Variants in PRAM1 observed in about 807,000 individuals in gnomAD.
PRAM1 encodes PML-RARA regulated adaptor molecule 1.
A neutral mutation model predicts 55.3 loss-of-function variants in PRAM1; 41 were observed. The observed-to-expected ratio is 0.74, with a 90% confidence interval of 0.58 to 0.96. PRAM1 has a LOEUF of 0.96. Ranked by LOEUF, PRAM1 falls within the 40% of genes least tolerant of loss-of-function variation. The pLI is 0.00. For synonymous variants in PRAM1, 401 were observed against 387.1 expected (o/e 1.04, Z -0.42); for missense variants, 898 against 892.7 (o/e 1.01, Z -0.08).
intron 4 of PRAM1, among the ~76,000 whole-genome samples, chr19:8,495,106 A>AT (rs1035651224): frequency 0.012 from 1,660 of 137,290 alleles, 32 homozygotes; most frequent in African/African-American, 0.04. Flanking sequence ...TGCCCGACTC[A>AT]TTTTTTTTTT....
Position 8,493,044 on chromosome 19 carries a change from G to A in PRAM1, c.1577-1887C>T, listed in dbSNP as rs916508966. On this transcript the variant is annotated intron_variant, in intron 4 of 9. Coordinates refer to ENST00000423345, the MANE Select transcript of PRAM1 (RefSeq NM_032152.5). This position sits in a 1 kb window ranked among gnomAD's most constrained non-coding sequence, Gnocchi z 4.1. The stretch of plus-strand genomic sequence containing the variant: ...TTTAAAAGATGCTGCTAGGGTAAGC[G>A]TCCTGGACTGGTGACTGATGATGAG... Among the ~76,000 whole-genome samples the A allele has an allele frequency of 7.9e-5, 12 of 152,150 alleles. No individual in the cohort carries two copies. The highest frequency in any genetic ancestry group is 4.6e-4 in the Admixed American group (7 of 15,276).
At chr19:8,497,957 C>T (rs1971723598) in intron 3 of PRAM1, 117 bp from the exon 4 acceptor site, 5 of 787,086 alleles carry the variant, frequency 6.4e-6, no homozygotes, top group African/African-American at 3.7e-5. Flanking sequence ...CTCGGGCTCA[C>T]TGCAGCCTCC....
chr19:8,498,079 C>T (rs2145792258), intron 3 of PRAM1, 144 bp downstream of exon 3: 2 of 892,320 alleles, frequency 2.2e-6, no homozygotes, highest in East Asian at 5.3e-5. Flanking sequence ...GGGGTTTCAC[C>T]ACGTTGGCCA....
chr19:8,498,045 C>T (rs1971725022), intron 3 of PRAM1, among the ~76,000 whole-genome samples, 178 bp downstream of exon 3: 1 of 151,872 alleles, frequency 6.6e-6, no homozygotes, highest in Admixed American at 6.6e-5. Flanking sequence ...CCACACCGGG[C>T]TAATTTTTGT....
At chr19:8,491,849 C>T (rs1199175570) in intron 4 of PRAM1, 1 of 153,070 alleles carries the variant, frequency 6.5e-6, no homozygotes, top group East Asian at 1.9e-4. Flanking sequence ...GGTCACCCAG[C>T]TGGTAAATGG....
chr19:8,496,328 C>A lies in PRAM1; in HGVS notation c.1576+1436G>T, dbSNP rs192463115. ...ACTTGGGAGGCTGAGGCAGGAGAATCGCTTGAATCCAAGAGGCAGAGGTTG... is the reference window on the plus strand; with the variant it reads ...ACTTGGGAGGCTGAGGCAGGAGAATAGCTTGAATCCAAGAGGCAGAGGTTG... On this transcript the variant is annotated intron_variant, in intron 4 of 9. Coordinates refer to ENST00000423345, the MANE Select transcript of PRAM1 (RefSeq NM_032152.5). Among the ~76,000 whole-genome samples, 860 of 152,022 alleles carry A rather than the reference C, an allele frequency of 5.7e-3. 12 individuals are homozygous for A. The highest frequency in any genetic ancestry group is 0.02 in the African/African-American group (820 of 41,442).
chr19:8,502,619 G>T lies in PRAM1; in HGVS notation c.-28C>A. The T allele has an allele frequency of 6.5e-7, 1 of 1,545,548 alleles. No homozygotes were observed. Among genetic ancestry groups the T allele is most frequent in the Non-Finnish European group, 8.7e-7 (1 of 1,146,172 alleles). On this transcript the variant is annotated 5_prime_UTR_variant, in exon 1 of 10. Transcript: ENST00000423345. ...GATGAGTGGGACCCGAGCTGGGGCCGCTGCCTTCAGGAAGTGACTGTGGCT... is the reference window on the plus strand; with the variant it reads ...GATGAGTGGGACCCGAGCTGGGGCCTCTGCCTTCAGGAAGTGACTGTGGCT...
chr19:8,498,425 CGGG>C lies in PRAM1; in HGVS notation c.1380_1382del (p.Pro461del). The stretch of plus-strand genomic sequence containing the variant: ...GAAAGCTCTGCATATCCACGGGCCC[CGGG>C]GGCAGCGGGGGCTTGGCTGGAGGGT... On this transcript the variant is annotated inframe_deletion, in exon 2 of 10. Transcript: ENST00000423345. 6.3e-7 allele frequency: 1 copy of C among 1,575,184 alleles called. No homozygotes were observed. Among genetic ancestry groups the C allele is most frequent in the Non-Finnish European group, 8.6e-7 (1 of 1,159,856 alleles).
chr19:8,498,659 T>G lies in PRAM1; in HGVS notation c.1149A>C (p.Pro383=). The change falls in exon 2 of 10, where the codon CCA becomes CCC. Residue 383 remains proline (P), a synonymous_variant. Coordinates refer to ENST00000423345, the MANE Select transcript of PRAM1 (RefSeq NM_032152.5). ...EFFGDLPRKP[P]LPSSASESSL... is the part of the protein sequence containing the mutation. ...AGCTCTCGGAAGCGGAGCTGGGGAG[T>G]GGAGGCTTTCGAGGGAGATCACCGA... 1 of 1,609,908 alleles carries G rather than the reference T, an allele frequency of 6.2e-7. No homozygotes were observed. Among genetic ancestry groups the G allele is most frequent in the Non-Finnish European group, 8.5e-7 (1 of 1,178,640 alleles).
At chr19:8,502,485 C>T in intron 1 of PRAM1, 80 bp downstream of exon 1, 2 of 1,043,314 alleles carry the variant, frequency 1.9e-6, no homozygotes, top group Non-Finnish European at 2.8e-6. Context: ...CGCCCCTCCA[C>T]AGGTGGATCC....
In PRAM1 at chr19:8,490,247, C is replaced by A. The variant is rs1971591389; in HGVS notation, c.1976-21G>T. The A allele has an allele frequency of 6.2e-7, 1 of 1,609,626 alleles. No homozygotes were observed. The highest frequency in any genetic ancestry group is 1.3e-5 in the African/African-American group (1 of 74,806). ...GGGATCTGCCGAGGAAGCGTGACTT[C>A]CATGGACCCCTCTCCCCAGAAGCCC... is the stretch of plus-strand genomic sequence containing the variant. On this transcript the variant is annotated intron_variant, in intron 9 of 9. Coordinates refer to ENST00000423345, the MANE Select transcript of PRAM1 (RefSeq NM_032152.5). This position sits in a 1 kb window ranked among gnomAD's most constrained non-coding sequence, Gnocchi z 7.3.
intron 4 of PRAM1, among the ~76,000 whole-genome samples, chr19:8,495,745 G>A (rs972399028): frequency 9.2e-5 from 14 of 151,702 alleles, no homozygotes; most frequent in Non-Finnish European, 1.8e-4. Flanking sequence ...GGAGTGGAGC[G>A]TACAGATTTA....
In PRAM1 at chr19:8,490,525, G is replaced by A; in HGVS notation, c.1907-16C>T. The A allele has an allele frequency of 6.2e-7, 1 of 1,609,006 alleles. No homozygotes were observed. Among genetic ancestry groups the A allele is most frequent in the Non-Finnish European group, 8.5e-7 (1 of 1,177,926 alleles). On this transcript the variant is annotated splice_polypyrimidine_tract_variant and intron_variant, in intron 7 of 9. Transcript: ENST00000423345. The surrounding 1 kb of genome is among the most constrained non-coding windows in gnomAD (Gnocchi z 7.3). ...ACGTAGCCATCTGTGGAGAGAGTGG[G>A]CATGGTGGGTTCTGAGGCCCAGGGT...
rs114938844 is a variant in PRAM1 at position 8,502,017 on chromosome 19, G to A, written c.27+548C>T. On this transcript the variant is annotated intron_variant, in intron 1 of 9. Transcript: ENST00000423345. ...GAAACGTGTGGCCTTTGCTTCCTGCGTGTGCCTCACTTTCCCCATCCAGAG... is the reference window on the plus strand; with the variant it reads ...GAAACGTGTGGCCTTTGCTTCCTGCATGTGCCTCACTTTCCCCATCCAGAG... Among the ~76,000 whole-genome samples the A allele has an allele frequency of 4.9e-3, 740 of 152,256 alleles. 11 individuals carry two copies. The highest frequency in any genetic ancestry group is 0.017 in the African/African-American group (689 of 41,536).
rs932210565 is a variant in PRAM1, at chr19:8,490,128, A to G, written c.*61T>C. ...CTGTGACTTTCCCGCGCCGGGATCC[A>G]GGGCTCCTGGGTGAGCGGGCGCTGG... is the stretch of plus-strand genomic sequence containing the variant. On this transcript the variant is annotated 3_prime_UTR_variant, in exon 10 of 10. Coordinates refer to ENST00000423345, the MANE Select transcript of PRAM1 (RefSeq NM_032152.5). This position sits in a 1 kb window ranked among gnomAD's most constrained non-coding sequence, Gnocchi z 7.3. 55 of 1,450,870 alleles carry G rather than the reference A, an allele frequency of 3.8e-5. No homozygotes were observed. Among genetic ancestry groups the G allele is most frequent in the South Asian group, 5.7e-5 (4 of 70,380 alleles). The allele number at this position is 1,450,870 out of a possible 1,614,324, so 89.9% of individuals were successfully genotyped here. A position where few individuals can be genotyped will look rare whatever the true frequency, so the allele number is the denominator to read the frequency against.
At position 8,498,530 on chromosome 19, in the gene PRAM1, A is replaced by T; in HGVS notation, c.1278T>A (p.Ser426Arg). 1.2e-6 allele frequency: 2 copies of T among 1,608,050 alleles called. No homozygotes were observed. Among genetic ancestry groups the T allele is most frequent in the South Asian group, 2.2e-5 (2 of 90,648 alleles). Residue 426 changes from serine (S) to arginine (R), a missense_variant, in exon 2 of 10, where the codon AGT becomes AGA. Ser to Arg is a moderately radical substitution (Grantham distance 110). Coordinates refer to ENST00000423345, the MANE Select transcript of PRAM1 (RefSeq NM_032152.5). ...PRWRSGGLVH[S>R]GGARPGLRPS... ...GTCTGAGGCCTGGCCTGGCCCCTCCACTGTGAACCAGGCCTCCTGACCTCC... is the reference window on the plus strand; with the variant it reads ...GTCTGAGGCCTGGCCTGGCCCCTCCTCTGTGAACCAGGCCTCCTGACCTCC...
chr19:8,499,632 G>A lies in PRAM1; in HGVS notation c.176C>T (p.Ala59Val), dbSNP rs761689213. 6.2e-7 allele frequency: 1 copy of A among 1,613,366 alleles called. No homozygotes were observed. The highest frequency in any genetic ancestry group is 1.3e-5 in the African/African-American group (1 of 74,776). The stretch of plus-strand genomic sequence containing the variant: ...CACTGCACCAAACTCAGGCAGCGGG[G>A]CCTTCTTGGGGTGCTCGCTTAGCTC... ...QPELSEHPKK[A>V]PLPEFGAVSL... Residue 59 changes from alanine (A) to valine (V), a missense_variant, in exon 2 of 10, where the codon GCC becomes GTC. Coordinates refer to ENST00000423345, the MANE Select transcript of PRAM1 (RefSeq NM_032152.5).
rs897869202 is a variant in PRAM1, at chr19:8,490,753, C to G, written c.1747G>C (p.Glu583Gln). Residue 583 changes from glutamate to glutamine, a missense_variant, in exon 7 of 10, where the codon GAA (glutamate) becomes CAA (glutamine). Glu to Gln is a conservative substitution (Grantham distance 29). Transcript: ENST00000423345. The surrounding 1 kb of genome is among the most constrained non-coding windows in gnomAD (Gnocchi z 7.3). ...TTCGTGTGAACCACGATCTCCCCTT[C>G]AAACTGGGGCGCGAGATGTTAGGGC... ...EREFRKKFKFEGEIVVHTKMM... is the reference protein window; with the variant it reads ...EREFRKKFKFQGEIVVHTKMM... The G allele has an allele frequency of 1.9e-6, 3 of 1,609,082 alleles. No individual in the cohort carries two copies. The East Asian group carries it at 6.7e-5, about 36-fold the overall frequency.
At chr19:8,492,737 C>CT (rs895034115) in intron 4 of PRAM1, among the ~76,000 whole-genome samples, 2 of 152,106 alleles carry the variant, frequency 1.3e-5, no homozygotes, top group Non-Finnish European at 2.9e-5. Context: ...TGGCTCATGC[C>CT]TGTCATCCCA....
Sources: gnomAD v4.1 joint callset for allele counts (sites outside exome capture counted in the v4.1 genomes callset) on GRCh38, gnomAD v4.1.1 for gene constraint, Gnocchi (gnomAD v3.1) non-coding constraint, MANE v1.5 for transcripts, NCBI Gene and HGNC (gene_info 2026-07-23, HGNC 2026-07-21) for gene names.